Variants in SYNE1 observed in about 807,000 individuals in gnomAD.
SYNE1 encodes nesprin-1.
SYNE1 carries 616 observed loss-of-function variants against 1,111.0 expected under a neutral mutation model. The observed-to-expected ratio is 0.55, with a 90% confidence interval of 0.52 to 0.59. The LOEUF (loss-of-function observed/expected upper bound fraction) is 0.59, where lower values mean the gene tolerates loss of function less well. Among genes scored for constraint, SYNE1 ranks in the 20% least tolerant of loss-of-function variants. The probability of loss-of-function intolerance (pLI) is 0.00; values close to 1 mark genes in which losing one functional copy is unlikely to be tolerated. For missense variants in SYNE1, 10,006 were observed against 10,417.0 expected (o/e 0.96, Z 1.72); for synonymous variants, 3,855 against 3,825.8 (o/e 1.01, Z -0.28).
Position 152,413,354 on chromosome 6 carries a change from TTCATGAATTAG to T in SYNE1, c.6217_6227del (p.Leu2073LysfsTer10). 1 of 1,614,142 alleles carries T rather than the reference TTCATGAATTAG, an allele frequency of 6.2e-7. No individual in the cohort carries two copies. Among genetic ancestry groups the T allele is most frequent in the Non-Finnish European group, 8.5e-7 (1 of 1,180,016 alleles). Reference sequence around the variant, plus strand: ...GAACTGGGTGGGTTTTGACTTACTTTTCATGAATTAGTCTTTTGGTATCATCCCAGGTGACC... The same window carrying T: ...GAACTGGGTGGGTTTTGACTTACTTTTCTTTTGGTATCATCCCAGGTGACC... On this transcript the variant is annotated frameshift_variant, in exon 42 of 146. Transcript: ENST00000367255. LOFTEE classifies it high-confidence loss of function.
chr6:152,360,414 T>C (rs1316130696), intron 64 of SYNE1, among the ~76,000 whole-genome samples: 3 of 152,234 alleles, frequency 2.0e-5, no homozygotes, highest in Admixed American at 6.5e-5. Flanking sequence ...GGCTCATTTC[T>C]CTGGCTTAAA....
chr6:152,226,661 G>T lies in SYNE1; in HGVS notation c.21196-785C>A, dbSNP rs547185681. 1.6e-4 allele frequency among the ~76,000 whole-genome samples: 24 copies of T among 152,270 alleles called. No individual in the cohort carries two copies. The South Asian group carries it at 4.8e-3, about 30-fold the overall frequency. On this transcript the variant is annotated intron_variant, in intron 115 of 145. Transcript: ENST00000367255. ...CTGAAAATTTGAGAAGCTCAGTGAA[G>T]CAGACTGAGACTGCTATCAACATTT...
At position 152,420,098 on chromosome 6, in the gene SYNE1, A is replaced by G. The variant is rs192585769; in HGVS notation, c.5268-376T>C. ...TCATTATGTTCAATTGTTGTGTGCC[A>G]CAGAAGTAACCAAAGTTTTTAATCG... On this transcript the variant is annotated intron_variant, in intron 39 of 145. Transcript: ENST00000367255. 2.8e-4 allele frequency among the ~76,000 whole-genome samples: 43 copies of G among 152,354 alleles called. No individual in the cohort carries two copies. In the South Asian group the frequency reaches 2.9e-3, roughly 10 times the overall value.
chr6:152,310,129 A>G (rs368041655), intron 89 of SYNE1, 112 bp from the exon 90 acceptor site: 7 of 1,363,258 alleles, frequency 5.1e-6, no homozygotes, highest in Non-Finnish European at 7.0e-6. Context: ...TGCAAAAAAA[A>G]AAAAATGTTT....
intron 53 of SYNE1, among the ~76,000 whole-genome samples, chr6:152,389,817 G>T (rs2097580087): frequency 6.6e-6 from 1 of 152,166 alleles, no homozygotes; most frequent in African/African-American, 2.4e-5. Context: ...CCTCGTCACT[G>T]TGACAATCAA....
intron 3 of SYNE1, among the ~76,000 whole-genome samples, chr6:152,586,655 T>C (rs899712891): frequency 2.0e-5 from 3 of 149,376 alleles, no homozygotes; most frequent in Admixed American, 6.7e-5. Flanking sequence ...CATACTCTCA[T>C]ACACACACAC....
Position 152,525,845 on chromosome 6 carries a change from G to A in SYNE1, c.225+235C>T, listed in dbSNP as rs182243790. Among the ~76,000 whole-genome samples, 55 of 152,224 alleles carry A rather than the reference G, an allele frequency of 3.6e-4. No homozygotes were observed. The Middle Eastern group carries it at 0.014, about 38-fold the overall frequency. On this transcript the variant is annotated intron_variant, in intron 5 of 145. Transcript: ENST00000367255. ...TGAAGTTCTTTACTCTTAATTGTAA[G>A]GTTGTTATTATAAACATAACATTTT...
rs2154169806 is a variant in SYNE1 at position 152,409,429 on chromosome 6, A to T, written c.6381+130T>A. 3.0e-6 allele frequency: 4 copies of T among 1,324,954 alleles called. No individual in the cohort carries two copies. The East Asian group carries it at 1.0e-4, about 33-fold the overall frequency. The allele number at this position is 1,324,954 out of a possible 1,614,324, so 82.1% of individuals were successfully genotyped here. A position where few individuals can be genotyped will look rare whatever the true frequency, so the allele number is the denominator to read the frequency against. ...AATGTCAGCATTCCTAGGGGAAAAA[A>T]AGTTGAGCTCATTAGCATGAATTAC... On this transcript the variant is annotated intron_variant, in intron 43 of 145. Transcript: ENST00000367255.
chr6:152,214,283 C>G (rs986912943), intron 122 of SYNE1, among the ~76,000 whole-genome samples: 1 of 150,822 alleles, frequency 6.6e-6, no homozygotes. Context: ...TATGTATATA[C>G]TTTTAATATA....
rs973146421 is a variant in SYNE1, at chr6:152,362,290, A to C, written c.10179T>G (p.Ser3393Arg). The change falls in exon 64 of 146, where the codon AGT (serine) becomes AGG (arginine). Residue 3393 changes from serine to arginine, a missense_variant. This residue lies in a region of SYNE1 where 4,955 missense variants were observed against 5,017.2 expected (regional missense o/e 0.99). Coordinates refer to ENST00000367255, the MANE Select transcript of SYNE1 (RefSeq NM_182961.4). ...AGAACTGTCGAACGCCATCCTGATA[A>C]CTTGTCCACTTGGAGAGAGCTCCTT... is the stretch of plus-strand genomic sequence containing the variant. ...QLEGALSKWT[S>R]YQDGVRQFSG... The C allele has an allele frequency of 6.2e-7, 1 of 1,614,236 alleles. No individual in the cohort carries two copies. Among genetic ancestry groups the C allele is most frequent in the African/African-American group, 1.3e-5 (1 of 75,064 alleles).
chr6:152,358,198 C>T (rs953343256), intron 66 of SYNE1, among the ~76,000 whole-genome samples, 175 bp downstream of exon 66: 2 of 152,246 alleles, frequency 1.3e-5, no homozygotes, highest in African/African-American at 4.8e-5. Context: ...ATGATGTCAA[C>T]TAGCGCATAC....
chr6:152,159,027 C>T (rs2061911422), intron 131 of SYNE1, among the ~76,000 whole-genome samples: 1 of 152,212 alleles, frequency 6.6e-6, no homozygotes, highest in Admixed American at 6.5e-5. Context: ...TCTCGGCTCA[C>T]TGCAACCTCC....
At position 152,391,335 on chromosome 6, in the gene SYNE1, C is replaced by A. The variant is rs769480578; in HGVS notation, c.7946G>T (p.Cys2649Phe). The A allele has an allele frequency of 6.2e-7, 1 of 1,614,124 alleles. No individual in the cohort carries two copies. Among genetic ancestry groups the A allele is most frequent in the Admixed American group, 1.7e-5 (1 of 60,018 alleles). Residue 2649 changes from cysteine (C) to phenylalanine (F), a missense_variant, in exon 52 of 146, where the codon TGT becomes TTT. Physicochemically the swap from Cys to Phe is radical, Grantham distance 205. Transcript: ENST00000367255. Reference sequence around the variant, plus strand: ...TTTGCTCCCAAGAGTGCTCTCTGCACAGGCCAGTCTGTCCTGAATGGCCTT... The same window carrying A: ...TTTGCTCCCAAGAGTGCTCTCTGCAAAGGCCAGTCTGTCCTGAATGGCCTT... ...WVKAIQDRLA[C>F]AESTLGSKDT...
intron 61 of SYNE1, 103 bp from the exon 62 acceptor site, chr6:152,367,485 G>A (rs1053880967): frequency 7.7e-5 from 103 of 1,340,666 alleles, no homozygotes; most frequent in Middle Eastern, 7.3e-4. Context: ...GGCTTCATAC[G>A]CTGCACAGAT....
intron 131 of SYNE1, among the ~76,000 whole-genome samples, chr6:152,163,327 C>T (rs893751469): frequency 6.6e-6 from 1 of 151,916 alleles, no homozygotes; most frequent in Non-Finnish European, 1.5e-5. Flanking sequence ...GGCGAAACTC[C>T]GTCTCTATTA....
In SYNE1 at chr6:152,289,827, C is replaced by T. The variant is rs949711414; in HGVS notation, c.18012+3761G>A. Among the ~76,000 whole-genome samples, 9 of 151,988 alleles carry T rather than the reference C, an allele frequency of 5.9e-5. No individual in the cohort carries two copies. In the East Asian group the frequency reaches 7.8e-4, roughly 13 times the overall value. Reference sequence around the variant, plus strand: ...ATTTTTAGTAGAGACGGGGTTTCACCATGTTAGCCAGGATGGTCGCGATCT... The same window carrying T: ...ATTTTTAGTAGAGACGGGGTTTCACTATGTTAGCCAGGATGGTCGCGATCT... On this transcript the variant is annotated intron_variant, in intron 95 of 145. Transcript: ENST00000367255.
Position 152,381,381 on chromosome 6 carries a change from A to C in SYNE1, c.8653-19T>G. The C allele has an allele frequency of 6.2e-7, 1 of 1,610,350 alleles. No individual in the cohort carries two copies. The highest frequency in any genetic ancestry group is 8.5e-7 in the Non-Finnish European group (1 of 1,178,782). ...TCAGCTCCTGTAATGGAATATCACC[A>C]TGGTAACTGAAGAGCCTGTGAGTCA... On this transcript the variant is annotated intron_variant, in intron 55 of 145. Coordinates refer to ENST00000367255, the MANE Select transcript of SYNE1 (RefSeq NM_182961.4).
chr6:152,324,354 A>C (rs1312949487), intron 81 of SYNE1, among the ~76,000 whole-genome samples: 1 of 152,040 alleles, frequency 6.6e-6, no homozygotes, highest in Non-Finnish European at 1.5e-5. Flanking sequence ...AGCTGAGATC[A>C]CACCACTGCA....
At chr6:152,136,101 A>G (rs752903927) in intron 141 of SYNE1, among the ~76,000 whole-genome samples, 5 of 152,214 alleles carry the variant, frequency 3.3e-5, no homozygotes, top group Non-Finnish European at 5.9e-5. Context: ...TTTATCATCC[A>G]CGTCTGCAAG....
Sources: gnomAD v4.1 joint callset for allele counts (sites outside exome capture counted in the v4.1 genomes callset) on GRCh38, gnomAD v4.1.1 for gene constraint, gnomAD v4.1.1 regional missense constraint, MANE v1.5 for transcripts, NCBI Gene and HGNC (gene_info 2026-07-23, HGNC 2026-07-21) for gene names.